The following GFOD1 variants were observed in gnomAD, a reference collection of about 807,000 sequenced individuals.
The protein encoded by GFOD1 is Gfo/Idh/MocA-like oxidoreductase domain containing 1, also known as glucose-fructose oxidoreductase domain-containing protein 1.
In GFOD1, 9 loss-of-function variants were observed where a neutral mutation model predicts 25.4. The ratio of observed to expected loss-of-function variants is 0.35; its 90% CI spans 0.21 to 0.62. The LOEUF (loss-of-function observed/expected upper bound fraction) is 0.62. Among genes scored for constraint, GFOD1 ranks in the 20% least tolerant of loss-of-function variants. GFOD1 has a pLI of 0.72. For synonymous variants in GFOD1, 253 were observed against 245.6 expected (o/e 1.03, Z -0.28); for missense variants, 403 against 556.9 (o/e 0.72, Z 2.78).
intron 1 of GFOD1, among the ~76,000 whole-genome samples, chr6:13,374,309 G>GTT (rs1554199412): frequency 5.8e-5 from 8 of 137,452 alleles, no homozygotes; most frequent in African/African-American, 1.1e-4. Context: ...GTGTGTGTTT[G>GTT]TTTTTTTTTT....
intron 1 of GFOD1, among the ~76,000 whole-genome samples, chr6:13,401,697 A>G (rs1279218079): frequency 6.6e-6 from 1 of 152,248 alleles, no homozygotes; most frequent in Non-Finnish European, 1.5e-5. Context: ...CTGGAATGAC[A>G]TCCTGCGTCC....
intron 1 of GFOD1, among the ~76,000 whole-genome samples, chr6:13,459,939 G>A (rs1758263588): frequency 6.6e-6 from 1 of 152,176 alleles, no homozygotes; most frequent in South Asian, 2.1e-4. Context: ...TTCAAGATCA[G>A]CCTGGCCAAC....
At chr6:13,399,874 G>C (rs147373096) in intron 1 of GFOD1, among the ~76,000 whole-genome samples, 1 of 152,310 alleles carries the variant, frequency 6.6e-6, no homozygotes, top group African/African-American at 2.4e-5. Flanking sequence ...ATTTAAAATA[G>C]GTACATTTTA....
In GFOD1 at chr6:13,430,281, A is replaced by G. The variant is rs1043913814; in HGVS notation, c.253+56357T>C. On this transcript the variant is annotated intron_variant, in intron 1 of 1. Coordinates refer to ENST00000379287, the MANE Select transcript of GFOD1 (RefSeq NM_018988.4). This position sits in a 1 kb window ranked among gnomAD's most constrained non-coding sequence, Gnocchi z 4.1. The stretch of plus-strand genomic sequence containing the variant: ...GCGAAACCCCCTCTCTACTAAAAAT[A>G]CAAAAATTAGCCGGGCATGGTGGCA... 6.6e-6 allele frequency among the ~76,000 whole-genome samples: 1 copy of G among 152,106 alleles called. No homozygotes were observed. The highest frequency in any genetic ancestry group is 1.5e-5 in the Non-Finnish European group (1 of 68,002).
At chr6:13,422,238 A>G (rs1032499451) in intron 1 of GFOD1, among the ~76,000 whole-genome samples, 10 of 152,210 alleles carry the variant, frequency 6.6e-5, no homozygotes, top group African/African-American at 2.4e-4. Flanking sequence ...GCTCATTTGT[A>G]TGTTTTGTTG....
rs60919216 is a variant in GFOD1 at position 13,380,152 on chromosome 6, G to A, written c.254-14490C>T. On this transcript the variant is annotated intron_variant, in intron 1 of 1. Coordinates refer to ENST00000379287, the MANE Select transcript of GFOD1 (RefSeq NM_018988.4). ...AAGTTGGTGGCAGGGAGGTAAGTGC[G>A]TGGCAGCACAGGGGATGGGAAAGAT... Among the ~76,000 whole-genome samples the A allele has an allele frequency of 8.4e-3, 1,281 of 152,340 alleles. 16 individuals carry two copies. The highest frequency in any genetic ancestry group is 0.025 in the African/African-American group (1,059 of 41,576).
intron 1 of GFOD1, among the ~76,000 whole-genome samples, chr6:13,422,514 T>G (rs759375000): frequency 3.3e-5 from 5 of 152,204 alleles, no homozygotes; most frequent in Non-Finnish European, 7.3e-5. Context: ...TTATTCAATT[T>G]ATTTAAAATA....
intron 1 of GFOD1, among the ~76,000 whole-genome samples, chr6:13,374,267 T>TGTGTG (rs1554199393): frequency 0.08 from 10,680 of 133,264 alleles, 553 homozygotes; most frequent in East Asian, 0.2. Flanking sequence ...AAAATATGTT[T>TGTGTG]TTTTTTTGTG....
Position 13,428,107 on chromosome 6 carries a change from A to G in GFOD1, c.253+58531T>C, listed in dbSNP as rs191894471. Among the ~76,000 whole-genome samples, 585 of 152,336 alleles carry G rather than the reference A, an allele frequency of 3.8e-3. 4 individuals are homozygous for G. The highest frequency in any genetic ancestry group is 0.01 in the Middle Eastern group (3 of 294). ...CAGGTCTAAGCATCCTGGGCACCAC[A>G]GAGATAGGAAAGTCCATGTGGAAAC... On this transcript the variant is annotated intron_variant, in intron 1 of 1. Transcript: ENST00000379287.
At chr6:13,382,510 TC>T (rs1254832641) in intron 1 of GFOD1, among the ~76,000 whole-genome samples, 2 of 152,190 alleles carry the variant, frequency 1.3e-5, no homozygotes, top group East Asian at 3.8e-4. Context: ...TTGTGAGGCC[TC>T]CCCAGACATG....
chr6:13,367,819 G>A (rs906763159), intron 1 of GFOD1, among the ~76,000 whole-genome samples: 2 of 151,862 alleles, frequency 1.3e-5, no homozygotes, highest in African/African-American at 4.8e-5. Context: ...ACAGACGCTA[G>A]GCAAAAAGAC....
chr6:13,476,591 A>C (rs1009952606), intron 1 of GFOD1, among the ~76,000 whole-genome samples: 4 of 152,262 alleles, frequency 2.6e-5, no homozygotes, highest in African/African-American at 9.6e-5. Flanking sequence ...TGGTATATAT[A>C]GTTCAATAAA....
chr6:13,382,339 T>C (rs1019684498), intron 1 of GFOD1, among the ~76,000 whole-genome samples: 24 of 95,476 alleles, frequency 2.5e-4, no homozygotes, highest in African/African-American at 9.1e-4. Flanking sequence ...TGGGAGGTAA[T>C]TGAATCATGG....
rs982359991 is a variant in GFOD1 at position 13,360,943 on chromosome 6, G to A, written c.*3800C>T. 9.2e-6 allele frequency: 4 copies of A among 436,140 alleles called. No individual in the cohort carries two copies. The highest frequency in any genetic ancestry group is 8.1e-5 in the African/African-American group (4 of 49,576). 27.0% of individuals were successfully genotyped at this position (436,140 alleles called of 1,614,324 possible). ...TGAATGACCTCATTTCTGCCTAACA[G>A]TTGTGTGACTTTGAACAAGTTCCTC... On this transcript the variant is annotated 3_prime_UTR_variant, in exon 2 of 2. Coordinates refer to ENST00000379287, the MANE Select transcript of GFOD1 (RefSeq NM_018988.4).
Position 13,361,165 on chromosome 6 carries a change from G to T in GFOD1, c.*3578C>A, listed in dbSNP as rs746872292. The stretch of plus-strand genomic sequence containing the variant: ...AGATATAACTGGCACAGTGGTATTT[G>T]CTGCCATGTAGGCTAAGGGGGGTCT... On this transcript the variant is annotated 3_prime_UTR_variant, in exon 2 of 2. Transcript: ENST00000379287. 38 of 305,560 alleles carry T rather than the reference G, an allele frequency of 1.2e-4. No individual in the cohort carries two copies. Among genetic ancestry groups the T allele is most frequent in the Non-Finnish European group, 2.1e-4 (33 of 154,828 alleles). The allele number at this position is 305,560 out of a possible 1,614,324, so 18.9% of individuals were successfully genotyped here.
rs62385806 is a variant in GFOD1 at position 13,486,942 on chromosome 6, C to T, written c.-52G>A. ...TTCTGCTCGGATCTCCAGTCCAACG[C>T]GCGCACACACCCACCTCTAGCCAGT... On this transcript the variant is annotated 5_prime_UTR_variant, in exon 1 of 2. Coordinates refer to ENST00000379287, the MANE Select transcript of GFOD1 (RefSeq NM_018988.4). 0.024 allele frequency: 37,096 copies of T among 1,576,810 alleles called. 597 individuals carry two copies. Among genetic ancestry groups the T allele is most frequent in the African/African-American group, 0.061 (4,549 of 74,766 alleles).
chr6:13,425,890 A>G (rs1403722666), intron 1 of GFOD1, among the ~76,000 whole-genome samples: 1 of 150,704 alleles, frequency 6.6e-6, no homozygotes, highest in Non-Finnish European at 1.5e-5. Context: ...AAAAAAGAAG[A>G]AGAAAGAAAG....
intron 1 of GFOD1, among the ~76,000 whole-genome samples, chr6:13,460,879 A>C (rs1236652015): frequency 1.3e-5 from 2 of 151,972 alleles, no homozygotes; most frequent in Non-Finnish European, 2.9e-5. Context: ...GAGTAAGTCT[A>C]CTCTCTTCTG....
intron 1 of GFOD1, among the ~76,000 whole-genome samples, chr6:13,368,698 ATT>A (rs1189592452): frequency 1.3e-5 from 2 of 152,110 alleles, no homozygotes; most frequent in Non-Finnish European, 2.9e-5. Context: ...AAAGGTTTTT[ATT>A]TTTTTCTATT....
Sources: allele counts gnomAD v4.1 joint callset (sites outside exome capture counted in the v4.1 genomes callset), GRCh38; gene constraint gnomAD v4.1.1; non-coding constraint Gnocchi (gnomAD v3.1); transcripts MANE v1.5; gene names NCBI Gene and HGNC (gene_info 2026-07-23, HGNC 2026-07-21).